DARS1: variants seen among roughly 807,000 people sequenced by gnomAD.
The protein encoded by DARS1 is aspartate--tRNA ligase, cytoplasmic.
DARS1 carries 51 observed loss-of-function variants against 68.8 expected under a neutral mutation model. The observed-to-expected ratio is 0.74, with a 90% CI of 0.59 to 0.94. The LOEUF (loss-of-function observed/expected upper bound fraction) is 0.94, where lower values mean the gene tolerates loss of function less well. Among genes scored for constraint, DARS1 ranks in the 40% least tolerant of loss-of-function variants. The probability of loss-of-function intolerance (pLI) is 0.00; values close to 1 mark genes in which losing one functional copy is unlikely to be tolerated. For missense variants in DARS1, 607 were observed against 597.3 expected (o/e 1.02, Z -0.17); for synonymous variants, 203 against 190.4 (o/e 1.07, Z -0.55).
intron 7 of DARS1, among the ~76,000 whole-genome samples, chr2:135,925,872 A>G (rs1681202138): frequency 6.6e-6 from 1 of 152,246 alleles, no homozygotes; most frequent in African/African-American, 2.4e-5. Context: ...AAATGTACAG[A>G]GATGTATTTC....
At chr2:135,913,033 TA>T (rs1457564621) in intron 12 of DARS1, among the ~76,000 whole-genome samples, 3 of 151,818 alleles carry the variant, frequency 2.0e-5, no homozygotes, top group Non-Finnish European at 2.9e-5. Context: ...GCCTACGGTT[TA>T]AATATTCATT....
At chr2:135,910,435 A>C in intron 15 of DARS1, among the ~76,000 whole-genome samples, 1 of 152,056 alleles carries the variant, frequency 6.6e-6, no homozygotes, top group East Asian at 1.9e-4. Flanking sequence ...GCATTTTTTC[A>C]TATACCTATT....
At chr2:135,953,630 T>C (rs541044888) in intron 4 of DARS1, among the ~76,000 whole-genome samples, 8 of 152,312 alleles carry the variant, frequency 5.3e-5, no homozygotes, top group African/African-American at 1.9e-4. Flanking sequence ...ATTTTTCTTA[T>C]TGAGATTATT....
At chr2:135,922,716 A>G (rs1395139127) in intron 9 of DARS1, 68 bp downstream of exon 9, 39 of 1,440,870 alleles carry the variant, frequency 2.7e-5, no homozygotes, top group Non-Finnish European at 3.5e-5. Context: ...TATAAGTAAA[A>G]TGTTTCTAAA....
At chr2:135,950,785 T>C (rs781584122) in intron 4 of DARS1, among the ~76,000 whole-genome samples, 6 of 152,094 alleles carry the variant, frequency 3.9e-5, no homozygotes, top group Non-Finnish European at 7.3e-5. Context: ...AGCTGAGGAA[T>C]AGGAATCAGT....
At chr2:135,985,344 C>T (rs1682752118) in intron 1 of DARS1, 59 bp downstream of exon 1, 1 of 1,584,188 alleles carries the variant, frequency 6.3e-7, no homozygotes, top group Admixed American at 1.8e-5. Flanking sequence ...TCCTCCCTCC[C>T]TCGGCGCAGC....
At chr2:135,978,142 C>CAAAAAAAAAAAAAAAAAAAAAA (rs59505882) in intron 3 of DARS1, among the ~76,000 whole-genome samples, 1 of 54,738 alleles carries the variant, frequency 1.8e-5, no homozygotes, top group Non-Finnish European at 3.5e-5. Context: ...GACTCTGTCT[C>CAAAAAAAAAAAAAAAAAAAAAA]AAAAAAAAAA....
intron 7 of DARS1, among the ~76,000 whole-genome samples, chr2:135,925,207 T>A (rs2104803967): frequency 6.6e-6 from 1 of 152,302 alleles, no homozygotes; most frequent in Admixed American, 6.5e-5. Flanking sequence ...CTAGAGGTAA[T>A]TATCTCTACT....
At chr2:135,917,299 G>A (rs1292631181) in intron 10 of DARS1, among the ~76,000 whole-genome samples, 2 of 152,182 alleles carry the variant, frequency 1.3e-5, no homozygotes, top group Non-Finnish European at 2.9e-5. Flanking sequence ...GACAAGGACT[G>A]AAACTGGTTG....
intron 3 of DARS1, among the ~76,000 whole-genome samples, chr2:135,978,361 GATGTC>G (rs1334219290): frequency 2.6e-5 from 4 of 152,226 alleles, no homozygotes; most frequent in African/African-American, 9.6e-5. Flanking sequence ...AAGAGACGGA[GATGTC>G]TTAGAAAGCT....
intron 7 of DARS1, among the ~76,000 whole-genome samples, chr2:135,926,371 T>C (rs1681211617): frequency 6.6e-6 from 1 of 152,250 alleles, no homozygotes; most frequent in Non-Finnish European, 1.5e-5. Flanking sequence ...ATCTGTCATA[T>C]ATAAGAAAAA....
chr2:135,906,977 T>C lies in DARS1; in HGVS notation c.*339A>G, dbSNP rs1680794775. On this transcript the variant is annotated 3_prime_UTR_variant, in exon 16 of 16. Transcript: ENST00000264161. The stretch of plus-strand genomic sequence containing the variant: ...GTAATATAGAAAAGAAGAAAAATTG[T>C]ACAATCTTAACTGTTTAAAACTCTT... 2 of 157,360 alleles carry C rather than the reference T, an allele frequency of 1.3e-5. No homozygotes were observed. The highest frequency in any genetic ancestry group is 4.8e-5 in the African/African-American group (2 of 41,630). The allele number at this position is 157,360 out of a possible 1,614,324, so 9.7% of individuals were successfully genotyped here.
At chr2:135,934,105 T>C in intron 5 of DARS1, 115 bp from the exon 6 acceptor site, 1 of 1,413,812 alleles carries the variant, frequency 7.1e-7, no homozygotes, top group Non-Finnish European at 9.3e-7. Context: ...ACATCTTTAA[T>C]TGAAACTACT....
intron 4 of DARS1, among the ~76,000 whole-genome samples, chr2:135,960,445 G>C (rs1224471353): frequency 6.6e-6 from 1 of 152,034 alleles, no homozygotes; most frequent in Admixed American, 6.6e-5. Flanking sequence ...TAATTTTTAA[G>C]TTTCTTTCCA....
intron 3 of DARS1, among the ~76,000 whole-genome samples, chr2:135,976,495 T>A (rs1682500222): frequency 6.6e-6 from 1 of 152,120 alleles, no homozygotes; most frequent in African/African-American, 2.4e-5. Flanking sequence ...ATTCTCCCTA[T>A]CCACCCACCA....
At chr2:135,923,033 T>C in intron 8 of DARS1, 115 bp from the exon 9 acceptor site, 2 of 1,191,442 alleles carry the variant, frequency 1.7e-6, no homozygotes, top group Non-Finnish European at 2.1e-6. Flanking sequence ...AACTGGAAAA[T>C]GAAGAATTGT....
chr2:135,930,054 G>A (rs1050669278), intron 7 of DARS1, among the ~76,000 whole-genome samples: 2 of 152,200 alleles, frequency 1.3e-5, no homozygotes, highest in Non-Finnish European at 2.9e-5. Context: ...CAAGAGAAAA[G>A]AATGGTGAAG....
Position 135,906,039 on chromosome 2 carries a change from T to TG in DARS1, c.*1276dup, listed in dbSNP as rs1345337287. ...TGTGGATTAAATTATGAAATACTTTTGGGGTGCCTTCTATATTTAAGGTAT... is the reference window on the plus strand; with the variant it reads ...TGTGGATTAAATTATGAAATACTTTTGGGGGTGCCTTCTATATTTAAGGTAT... On this transcript the variant is annotated 3_prime_UTR_variant, in exon 16 of 16. Transcript: ENST00000264161. Among the ~76,000 whole-genome samples the TG allele has an allele frequency of 6.6e-6, 1 of 152,208 alleles. No individual in the cohort carries two copies. Among genetic ancestry groups the TG allele is most frequent in the Non-Finnish European group, 1.5e-5 (1 of 68,024 alleles).
At position 135,924,555 on chromosome 2, in the gene DARS1, C is replaced by T. The variant is rs1681174817; in HGVS notation, c.565-57G>A. On this transcript the variant is annotated intron_variant, in intron 7 of 15. Transcript: ENST00000264161. Reference sequence around the variant, plus strand: ...AACGTACTTAATTACTAAGCACTAACTCTGTGGGCTAGGCACTGTGGAAAC... The same window carrying T: ...AACGTACTTAATTACTAAGCACTAATTCTGTGGGCTAGGCACTGTGGAAAC... The T allele has an allele frequency of 2.6e-6, 4 of 1,561,434 alleles. No individual in the cohort carries two copies. In the South Asian group the frequency reaches 5.0e-5, roughly 19 times the overall value.
Sources: allele counts gnomAD v4.1 joint callset (sites outside exome capture counted in the v4.1 genomes callset), GRCh38; gene constraint gnomAD v4.1.1; transcripts MANE v1.5; gene names NCBI Gene and HGNC (gene_info 2026-07-23, HGNC 2026-07-21).